Variants in CHCHD3 observed in about 807,000 individuals in gnomAD.
CHCHD3 encodes the protein MICOS complex subunit MIC19.
In CHCHD3, 20 loss-of-function variants were observed where a neutral mutation model predicts 38.2. That is an observed-to-expected ratio of 0.52 (90% confidence interval 0.37 to 0.76). The LOEUF (loss-of-function observed/expected upper bound fraction) is 0.76. Ranked by LOEUF, CHCHD3 falls within the 30% of genes least tolerant of loss-of-function variation. The pLI is 0.00. For synonymous variants in CHCHD3, 82 were observed against 100.0 expected (o/e 0.82, Z 1.07); for missense variants, 245 against 279.2 (o/e 0.88, Z 0.87).
At chr7:133,037,824 T>C (rs997419052) in intron 2 of CHCHD3, among the ~76,000 whole-genome samples, 5 of 152,000 alleles carry the variant, frequency 3.3e-5, no homozygotes, top group Non-Finnish European at 7.4e-5. Flanking sequence ...AAAAAATAAA[T>C]ACATACATAC....
At chr7:132,917,487 A>G (rs1410391041) in intron 4 of CHCHD3, among the ~76,000 whole-genome samples, 1 of 152,194 alleles carries the variant, frequency 6.6e-6, no homozygotes, top group Non-Finnish European at 1.5e-5. Context: ...TTTCCTATAT[A>G]TTTAAACTCT....
intron 4 of CHCHD3, among the ~76,000 whole-genome samples, chr7:132,966,277 T>TAAAGA (rs1347549038): frequency 2.0e-5 from 3 of 152,170 alleles, no homozygotes; most frequent in Non-Finnish European, 4.4e-5. Flanking sequence ...CTACAGTTAG[T>TAAAGA]AAAGAAAAGA....
intron 1 of CHCHD3, among the ~76,000 whole-genome samples, chr7:133,081,101 T>TA (rs912490510): frequency 1.9e-4 from 28 of 150,626 alleles, no homozygotes; most frequent in Non-Finnish European, 2.7e-4. Flanking sequence ...CAAAGGGCAT[T>TA]AAAAAAAAAG....
At chr7:133,011,957 C>T (rs938363477) in intron 3 of CHCHD3, among the ~76,000 whole-genome samples, 6 of 152,110 alleles carry the variant, frequency 3.9e-5, no homozygotes, top group Non-Finnish European at 8.8e-5. Flanking sequence ...CAGAGTATTG[C>T]TCTGCCACCC....
chr7:132,954,300 T>A (rs1811106156), intron 4 of CHCHD3, among the ~76,000 whole-genome samples: 1 of 152,190 alleles, frequency 6.6e-6, no homozygotes, highest in South Asian at 2.1e-4. Flanking sequence ...ACCCATGGGC[T>A]GCTATTCTAC....
intron 6 of CHCHD3, chr7:132,830,578 G>C (rs1449352685): frequency 6.6e-6 from 1 of 152,146 alleles, no homozygotes; most frequent in Non-Finnish European, 1.5e-5. Flanking sequence ...TAACCTGCCT[G>C]AGGAATTTTG....
intron 4 of CHCHD3, among the ~76,000 whole-genome samples, chr7:132,906,169 T>C (rs1809801171): frequency 6.6e-6 from 1 of 152,240 alleles, no homozygotes; most frequent in Admixed American, 6.5e-5. Context: ...CATACAATGT[T>C]ATCTATCAAT....
At chr7:132,799,959 A>G (rs1806746160) in intron 6 of CHCHD3, among the ~76,000 whole-genome samples, 1 of 152,174 alleles carries the variant, frequency 6.6e-6, no homozygotes. Flanking sequence ...TGACAGTACC[A>G]AAGGTAGAAC....
At chr7:133,006,973 TGTGTGTATAAGCCTGTGTACC>T (rs1812718131) in intron 3 of CHCHD3, among the ~76,000 whole-genome samples, 1 of 152,214 alleles carries the variant, frequency 6.6e-6, no homozygotes, top group Non-Finnish European at 1.5e-5. Flanking sequence ...TTTTTTCTCC[TGTGTGTATAAGCCTGTGTACC>T]AAAATATTTA....
chr7:132,835,837 A>G lies in CHCHD3; in HGVS notation c.524+2562T>C, dbSNP rs191740441. On this transcript the variant is annotated intron_variant, in intron 6 of 7. Coordinates refer to ENST00000262570, the MANE Select transcript of CHCHD3 (RefSeq NM_017812.4). Reference sequence around the variant, plus strand: ...GATAATTAAATTGTAGTGAGGTCACAAGGGAGGGTTTTAGTCTAATATGAC... The same window carrying G: ...GATAATTAAATTGTAGTGAGGTCACGAGGGAGGGTTTTAGTCTAATATGAC... Among the ~76,000 whole-genome samples the G allele has an allele frequency of 8.0e-3, 1,215 of 152,256 alleles. 20 individuals carry two copies. The highest frequency in any genetic ancestry group is 0.028 in the African/African-American group (1,150 of 41,544).
chr7:132,898,720 A>G (rs2117198223), intron 4 of CHCHD3, among the ~76,000 whole-genome samples: 1 of 152,376 alleles, frequency 6.6e-6, no homozygotes, highest in Admixed American at 6.5e-5. Context: ...AGGCTCACGC[A>G]TGGCGGGCTG....
chr7:132,986,006 T>C (rs1349338779), intron 3 of CHCHD3, among the ~76,000 whole-genome samples: 2 of 151,674 alleles, frequency 1.3e-5, no homozygotes, highest in Admixed American at 1.3e-4. Flanking sequence ...ATGGTTGCCA[T>C]GTCTGTGTAG....
At chr7:132,785,705 C>T (rs369373519) in intron 7 of CHCHD3, 45 bp from the exon 8 acceptor site, 2 of 1,594,686 alleles carry the variant, frequency 1.3e-6, no homozygotes, top group Non-Finnish European at 1.7e-6. Context: ...CGGGAGAGGA[C>T]AAAAAATAAA....
intron 4 of CHCHD3, among the ~76,000 whole-genome samples, chr7:132,901,426 C>T (rs1809664707): frequency 6.6e-6 from 1 of 152,172 alleles, no homozygotes; most frequent in Admixed American, 6.5e-5. Context: ...TGAAGAGAGA[C>T]ATGCCATCAT....
chr7:132,826,329 T>C (rs1807508728), intron 6 of CHCHD3, among the ~76,000 whole-genome samples: 1 of 152,232 alleles, frequency 6.6e-6, no homozygotes, highest in African/African-American at 2.4e-5. Flanking sequence ...CTACAATGCA[T>C]GTTTAACATA....
intron 7 of CHCHD3, among the ~76,000 whole-genome samples, chr7:132,791,795 A>G (rs914989070): frequency 1.3e-5 from 2 of 152,206 alleles, no homozygotes; most frequent in Non-Finnish European, 2.9e-5. Context: ...GAAACGAGAC[A>G]ACGGGGTGCA....
At chr7:132,847,080 G>C (rs1368854667) in intron 5 of CHCHD3, among the ~76,000 whole-genome samples, 1 of 152,152 alleles carries the variant, frequency 6.6e-6, no homozygotes, top group Non-Finnish European at 1.5e-5. Flanking sequence ...ACCCCGAGCA[G>C]TTGACTTCTG....
chr7:132,984,884 A>G (rs532058538), intron 3 of CHCHD3, among the ~76,000 whole-genome samples: 20 of 73,706 alleles, frequency 2.7e-4, no homozygotes, highest in East Asian at 4.9e-4. Context: ...CAGCCGCCCC[A>G]TCCGGGAGGG....
At chr7:132,793,838 G>A (rs951597941) in intron 7 of CHCHD3, among the ~76,000 whole-genome samples, 3 of 152,158 alleles carry the variant, frequency 2.0e-5, no homozygotes, top group Admixed American at 1.3e-4. Context: ...GATTTAACAG[G>A]AAACATAAGA....
Sources: allele counts gnomAD v4.1 joint callset (sites outside exome capture counted in the v4.1 genomes callset), GRCh38; gene constraint gnomAD v4.1.1; transcripts MANE v1.5; gene names NCBI Gene and HGNC (gene_info 2026-07-23, HGNC 2026-07-21).